Variants in SERPINI2 observed in about 807,000 individuals in gnomAD.
SERPINI2 encodes serpin I2.
A neutral mutation model predicts 47.3 loss-of-function variants in SERPINI2; 48 were observed. The observed-to-expected ratio is 1.02, with a 90% confidence interval of 0.81 to 1.29. The LOEUF is 1.29. Among genes scored for constraint, SERPINI2 ranks in the 50% most tolerant of loss-of-function variants. The pLI is 0.00. For missense variants in SERPINI2, 448 were observed against 456.9 expected, an observed-to-expected ratio of 0.98 and a Z score of 0.18; for synonymous variants, 135 against 149.3, an observed-to-expected ratio of 0.90 and a Z score of 0.70.
intron 5 of SERPINI2, among the ~76,000 whole-genome samples, chr3:167,457,741 T>C (rs775189817): frequency 6.6e-6 from 1 of 152,170 alleles, no homozygotes; most frequent in Non-Finnish European, 1.5e-5. Context: ...GAGGGGAAGA[T>C]AAACAATTCA....
At chr3:167,465,783 A>G in intron 3 of SERPINI2, 110 bp from the exon 4 acceptor site, 1 of 814,156 alleles carries the variant, frequency 1.2e-6, no homozygotes, top group Non-Finnish European at 1.9e-6. Context: ...AGTTTTGGAT[A>G]GGGCATGTTA....
intron 3 of SERPINI2, 134 bp downstream of exon 3, chr3:167,466,921 T>C (rs905126784): frequency 2.2e-6 from 1 of 460,730 alleles, no homozygotes; most frequent in Admixed American, 4.0e-5. Context: ...TAAATAACTA[T>C]GAAATGAAAT....
intron 3 of SERPINI2, among the ~76,000 whole-genome samples, 200 bp from the exon 4 acceptor site, chr3:167,465,873 C>T (rs183972542): frequency 6.6e-6 from 1 of 152,212 alleles, no homozygotes; most frequent in Admixed American, 6.5e-5. Flanking sequence ...AATGGAATTT[C>T]ACTACGAAAT....
At chr3:167,473,939 C>T in intron 1 of SERPINI2, 64 bp downstream of exon 1, 4 of 1,183,180 alleles carry the variant, frequency 3.4e-6, no homozygotes, top group Non-Finnish European at 4.2e-6. Context: ...CTCTACTAAA[C>T]ATTCATAGGC....
chr3:167,446,580 G>A (rs561650438), intron 7 of SERPINI2, 99 bp from the exon 8 acceptor site: 97 of 738,566 alleles, frequency 1.3e-4, no homozygotes, highest in South Asian at 1.3e-3. Flanking sequence ...AAGTCATTTT[G>A]TGTAAGGAGT....
chr3:167,453,654 A>AG (rs1749705211), intron 5 of SERPINI2, among the ~76,000 whole-genome samples: 1 of 79,934 alleles, frequency 1.3e-5, no homozygotes. Context: ...AAATTACAGG[A>AG]GTGGGGGGGG....
At chr3:167,450,265 G>A (rs939303463) in intron 6 of SERPINI2, among the ~76,000 whole-genome samples, 9 of 152,224 alleles carry the variant, frequency 5.9e-5, no homozygotes, top group African/African-American at 2.2e-4. Flanking sequence ...TTCAGCATAA[G>A]ATCGTGCTTT....
At chr3:167,464,013 T>TTTTTTC (rs1750061300) in intron 5 of SERPINI2, among the ~76,000 whole-genome samples, 1 of 145,274 alleles carries the variant, frequency 6.9e-6, no homozygotes, top group African/African-American at 2.6e-5. Flanking sequence ...GAGTGGCTTT[T>TTTTTTC]TTTTTTTTTT....
At chr3:167,471,789 T>G (rs1348522286) in exon 2 of SERPINI2, 1 of 1,613,146 alleles carries the variant, frequency 6.2e-7, no homozygotes, top group Non-Finnish European at 8.5e-7. Context: ...GAGGCTTGAC[T>G]TCCAAAAAAC....
At chr3:167,446,193 C>T (rs1749474171) in intron 8 of SERPINI2, among the ~76,000 whole-genome samples, 199 bp downstream of exon 8, 1 of 152,148 alleles carries the variant, frequency 6.6e-6, no homozygotes, top group Non-Finnish European at 1.5e-5. Context: ...ATATAGTAGC[C>T]ATGATGGCAG....
chr3:167,451,364 T>C (rs888474369), intron 6 of SERPINI2, among the ~76,000 whole-genome samples: 1 of 152,254 alleles, frequency 6.6e-6, no homozygotes, highest in Non-Finnish European at 1.5e-5. Flanking sequence ...TATAAGGTAG[T>C]GTCCCTTTCA....
chr3:167,475,657 C>A (rs1392310722), upstream of SERPINI2, among the ~76,000 whole-genome samples: 1 of 151,104 alleles, frequency 6.6e-6, no homozygotes, highest in South Asian at 2.1e-4. Context: ...TAAAATATTA[C>A]CACAAATTTT....
exon 5 of SERPINI2, chr3:167,465,369 G>T: frequency 1.2e-6 from 2 of 1,606,610 alleles, no homozygotes; most frequent in Non-Finnish European, 1.7e-6. Context: ...TCTAAAACTT[G>T]GTAGTTCAGG....
exon 3 of SERPINI2, chr3:167,467,055 C>T (rs1314240031): frequency 6.3e-7 from 1 of 1,587,088 alleles, no homozygotes; most frequent in Non-Finnish European, 8.6e-7. Flanking sequence ...GAAACTTTAC[C>T]ATCTGTTTTT....
intron 1 of SERPINI2, 93 bp from the exon 2 acceptor site, chr3:167,471,937 T>G (rs1750339343): frequency 3.3e-6 from 3 of 901,534 alleles, no homozygotes; most frequent in Admixed American, 2.3e-5. Flanking sequence ...TAGCTTTCTA[T>G]CTTAATAGAA....
At chr3:167,464,490 G>A (rs769703075) in intron 5 of SERPINI2, among the ~76,000 whole-genome samples, 8 of 151,960 alleles carry the variant, frequency 5.3e-5, no homozygotes, top group Non-Finnish European at 1.0e-4. Flanking sequence ...GAGACCAATG[G>A]CCAGAAACAG....
At chr3:167,471,726 C>A in exon 2 of SERPINI2, 1 of 1,613,574 alleles carries the variant, frequency 6.2e-7, no homozygotes, top group Non-Finnish European at 8.5e-7. Context: ...GATAAGGAAA[C>A]CTCTTGATAA....
chr3:167,448,163 A>T (rs1749531631), intron 7 of SERPINI2, among the ~76,000 whole-genome samples: 1 of 152,194 alleles, frequency 6.6e-6, no homozygotes, highest in African/African-American at 2.4e-5. Flanking sequence ...TGCAGCACAG[A>T]TGCTATTTAA....
At chr3:167,456,962 A>G (rs546846240) in intron 5 of SERPINI2, among the ~76,000 whole-genome samples, 16 of 152,316 alleles carry the variant, frequency 1.1e-4, no homozygotes, top group Admixed American at 1.0e-3. Context: ...TTAACAGTAT[A>G]AGAAAAATCT....
Sources: gnomAD v4.1 joint callset for allele counts (sites outside exome capture counted in the v4.1 genomes callset) on GRCh38, gnomAD v4.1.1 for gene constraint, MANE v1.5 for transcripts, NCBI Gene and HGNC (gene_info 2026-07-23, HGNC 2026-07-21) for gene names.